Variants in COL21A1 observed in about 807,000 individuals in gnomAD.
COL21A1 encodes the protein collagen type XXI alpha 1 chain.
A neutral mutation model predicts 137.9 loss-of-function variants in COL21A1; 149 were observed. The observed-to-expected ratio is 1.08, with a 90% CI of 0.95 to 1.24. COL21A1 has a LOEUF of 1.24. COL21A1 is among the 50% of genes most tolerant of loss of function. The pLI is 0.00. For synonymous variants in COL21A1, 456 were observed against 391.5 expected (o/e 1.16, Z -1.95); for missense variants, 1,167 against 1,158.4 (o/e 1.01, Z -0.11).
At chr6:56,164,754 A>G in intron 8 of COL21A1, 60 bp downstream of exon 8, 1 of 1,371,326 alleles carries the variant, frequency 7.3e-7, no homozygotes, top group East Asian at 2.3e-5. Context: ...GTTGGAAAAG[A>G]GCTAAGTGGT....
intron 1 of COL21A1, among the ~76,000 whole-genome samples, chr6:56,359,261 C>T (rs1475636641): frequency 3.3e-5 from 5 of 152,252 alleles, no homozygotes; most frequent in African/African-American, 1.2e-4. Flanking sequence ...TAGACTGACA[C>T]GGGATTACGA....
In COL21A1 at chr6:56,126,130, C is replaced by T; in HGVS notation, c.1562G>A (p.Gly521Asp). 1 of 1,548,486 alleles carries T rather than the reference C, an allele frequency of 6.5e-7. No homozygotes were observed. The highest frequency in any genetic ancestry group is 8.7e-7 in the Non-Finnish European group (1 of 1,145,072). Reference protein sequence around the residue: ...DGDKGDRGLPGFPGLHGMPGS... With the variant: ...DGDKGDRGLPDFPGLHGMPGS... ...TGGCATGCCATGAAGCCCAGGAAAA[C>T]CAGGAAGTCCACGATCACCCTGAAA... Residue 521 changes from glycine to aspartate, a missense_variant, in exon 13 of 30, where the codon GGT becomes GAT. Coordinates refer to ENST00000244728, the MANE Select transcript of COL21A1 (RefSeq NM_030820.4).
chr6:56,380,140 C>T (rs1240547731), intron 1 of COL21A1, among the ~76,000 whole-genome samples: 3 of 152,144 alleles, frequency 2.0e-5, no homozygotes, highest in Admixed American at 6.5e-5. Context: ...TACACGAGAG[C>T]TGGTTGTTTA....
At chr6:56,232,971 A>G (rs545224813) in intron 1 of COL21A1, among the ~76,000 whole-genome samples, 1 of 151,998 alleles carries the variant, frequency 6.6e-6, no homozygotes, top group South Asian at 2.1e-4. Flanking sequence ...GAAGTAAAAG[A>G]ATTCTCAGAG....
At chr6:56,366,492 G>GA (rs1343780748) in intron 1 of COL21A1, among the ~76,000 whole-genome samples, 1 of 152,030 alleles carries the variant, frequency 6.6e-6, no homozygotes, top group Non-Finnish European at 1.5e-5. Flanking sequence ...TTAGAATGCA[G>GA]AAAAAATCCC....
At chr6:56,187,578 G>C (rs1174952785) in intron 1 of COL21A1, among the ~76,000 whole-genome samples, 1 of 152,172 alleles carries the variant, frequency 6.6e-6, no homozygotes. Flanking sequence ...AAAGTAGTTG[G>C]ATAGAAAAGG....
chr6:56,172,652 G>T (rs1730791092), intron 3 of COL21A1, among the ~76,000 whole-genome samples: 1 of 152,186 alleles, frequency 6.6e-6, no homozygotes, highest in African/African-American at 2.4e-5. Context: ...CTGTAACAGT[G>T]TGCATAAATG....
chr6:56,136,183 T>A (rs1773985184), intron 12 of COL21A1, among the ~76,000 whole-genome samples: 1 of 152,202 alleles, frequency 6.6e-6, no homozygotes, highest in Admixed American at 6.5e-5. Flanking sequence ...TATCTGTTAA[T>A]CTGAGTCTCC....
chr6:56,163,697 G>C (rs527515816), intron 9 of COL21A1, among the ~76,000 whole-genome samples: 130 of 116,482 alleles, frequency 1.1e-3, no homozygotes, highest in African/African-American at 4.2e-3. Flanking sequence ...ATAGAGCAAG[G>C]CTCCGTCTCA....
At chr6:56,152,293 A>C (rs990211243) in intron 10 of COL21A1, among the ~76,000 whole-genome samples, 2 of 152,030 alleles carry the variant, frequency 1.3e-5, no homozygotes, top group African/African-American at 4.8e-5. Flanking sequence ...CCCTTTTATA[A>C]AGACTTTTGT....
At chr6:56,122,245 A>T (rs190714055) in intron 16 of COL21A1, among the ~76,000 whole-genome samples, 1 of 152,312 alleles carries the variant, frequency 6.6e-6, no homozygotes, top group African/African-American at 2.4e-5. Flanking sequence ...ATAGTTGCCA[A>T]GGGTTTAATG....
chr6:56,205,312 CACAGG>C (rs1779692548), intron 1 of COL21A1, among the ~76,000 whole-genome samples: 1 of 152,076 alleles, frequency 6.6e-6, no homozygotes, highest in African/African-American at 2.4e-5. Context: ...AGCTGAAAAA[CACAGG>C]ACGAGAACTT....
At chr6:56,141,176 A>G (rs1252476983) in intron 12 of COL21A1, among the ~76,000 whole-genome samples, 1 of 152,188 alleles carries the variant, frequency 6.6e-6, no homozygotes, top group African/African-American at 2.4e-5. Flanking sequence ...TAGCCAGGAC[A>G]TGGCCTAAAC....
intron 1 of COL21A1, among the ~76,000 whole-genome samples, chr6:56,323,183 T>A (rs1295999505): frequency 1.3e-5 from 2 of 152,162 alleles, no homozygotes; most frequent in Admixed American, 6.6e-5. Flanking sequence ...AAAAATAAAT[T>A]TTAAAAAATT....
chr6:56,281,524 C>T (rs1763784539), intron 1 of COL21A1, among the ~76,000 whole-genome samples: 1 of 152,078 alleles, frequency 6.6e-6, no homozygotes, highest in Non-Finnish European at 1.5e-5. Flanking sequence ...AAGAATACTT[C>T]CAGAATTTTA....
At chr6:56,260,848 C>CTGTGTGTGTGTGTGTG (rs70986790) in intron 1 of COL21A1, among the ~76,000 whole-genome samples, 10,493 of 134,928 alleles carry the variant, frequency 0.078, 472 homozygotes, top group African/African-American at 0.11. Flanking sequence ...CTTTAATTCA[C>CTGTGTGTGTGTGTGTG]TGTGTGTGTG....
chr6:56,221,692 G>A (rs1780837256), intron 1 of COL21A1, among the ~76,000 whole-genome samples: 2 of 151,942 alleles, frequency 1.3e-5, no homozygotes, highest in Non-Finnish European at 2.9e-5. Context: ...CCACTGCACT[G>A]AGTGACAGAA....
chr6:56,216,723 C>T (rs1446831859), intron 1 of COL21A1, among the ~76,000 whole-genome samples: 1 of 152,082 alleles, frequency 6.6e-6, no homozygotes, highest in East Asian at 1.9e-4. Context: ...TGAAGCTATA[C>T]TTTCCTGACA....
chr6:56,276,814 T>TG, intron 1 of COL21A1: 1 of 934,844 alleles, frequency 1.1e-6, no homozygotes, highest in Non-Finnish European at 1.7e-6. Context: ...TTTGTTTTTT[T>TG]TGTTTTTTTT....
Sources: gnomAD v4.1 joint callset for allele counts (sites outside exome capture counted in the v4.1 genomes callset) on GRCh38, gnomAD v4.1.1 for gene constraint, MANE v1.5 for transcripts, NCBI Gene and HGNC (gene_info 2026-07-23, HGNC 2026-07-21) for gene names.